Variants in ENO4 observed in about 807,000 individuals in gnomAD.
ENO4 encodes the protein enolase 4, also known as 2-phospho-D-glycerate hydro-lyase.
Under a neutral mutation model 63.2 loss-of-function variants are expected in ENO4, and 53 were observed. The ratio of observed to expected loss-of-function variants is 0.84; its 90% confidence interval spans 0.67 to 1.05. The LOEUF is 1.05. ENO4 is among the 50% of genes least tolerant of loss of function. ENO4 has a pLI of 0.00. For synonymous variants in ENO4, 266 were observed against 283.8 expected (o/e 0.94, Z 0.63); for missense variants, 719 against 772.0 (o/e 0.93, Z 0.81).
At chr10:116,907,869 A>C (rs1848035834) in intron 10 of ENO4, 1 of 517,596 alleles carries the variant, frequency 1.9e-6, no homozygotes, top group African/African-American at 1.9e-5. Flanking sequence ...GTAATGTTTG[A>C]ACTCACTAAG....
chr10:116,867,565 T>G (rs897352234), intron 7 of ENO4, among the ~76,000 whole-genome samples: 2 of 152,046 alleles, frequency 1.3e-5, no homozygotes, highest in Non-Finnish European at 2.9e-5. Flanking sequence ...CTCCGGCCTG[T>G]GTGACAGAGT....
chr10:116,890,389 A>G (rs1272831328), intron 10 of ENO4, among the ~76,000 whole-genome samples: 2 of 152,214 alleles, frequency 1.3e-5, no homozygotes, highest in African/African-American at 4.8e-5. Flanking sequence ...TTCAGTTGTC[A>G]GATGAAGTGT....
Position 116,861,102 on chromosome 10 carries a change from T to G in ENO4, c.848T>G (p.Leu283Arg). 1 of 1,549,488 alleles carries G rather than the reference T, an allele frequency of 6.5e-7. No homozygotes were observed. The highest frequency in any genetic ancestry group is 8.7e-7 in the Non-Finnish European group (1 of 1,146,380). ...TLSMPLLMVS[L>R]VSCGKSSSGK... Reference sequence around the variant, plus strand: ...TCTATGCCTTTGCTGATGGTATCGCTGGTCAGCTGTGGGAAGTCATCATCT... The same window carrying G: ...TCTATGCCTTTGCTGATGGTATCGCGGGTCAGCTGTGGGAAGTCATCATCT... The change falls in exon 6 of 14, where the codon CTG becomes CGG. Residue 283 changes from leucine to arginine, a missense_variant. Around this residue, in one of 3 missense-constraint regions of ENO4, gnomAD observed 544 missense variants for 583.6 expected, o/e 0.93. Coordinates refer to ENST00000341276, the MANE Select transcript of ENO4 (RefSeq NM_001242699.2).
chr10:116,891,479 C>T (rs199524107), intron 10 of ENO4, among the ~76,000 whole-genome samples: 1 of 152,128 alleles, frequency 6.6e-6, no homozygotes, highest in Non-Finnish European at 1.5e-5. Context: ...TGGATAAAAC[C>T]GCAACCATAT....
At chr10:116,861,486 G>T (rs775168816) in intron 6 of ENO4, among the ~76,000 whole-genome samples, 5 of 152,078 alleles carry the variant, frequency 3.3e-5, no homozygotes, top group African/African-American at 4.8e-5. Context: ...TTATTTGGGG[G>T]CATCTTATTT....
At position 116,849,741 on chromosome 10, in the gene ENO4, T is replaced by A; in HGVS notation, c.165+10T>A. ...CGTCTACGGGCACCTGGTAGGGACC[T>A]GGGACAAGCGCTCTCCTCCCGCCAA... On this transcript the variant is annotated intron_variant, in intron 1 of 13. Transcript: ENST00000341276. 1 of 1,502,972 alleles carries A rather than the reference T, an allele frequency of 6.7e-7. No homozygotes were observed. Among genetic ancestry groups the A allele is most frequent in the East Asian group, 2.5e-5 (1 of 39,878 alleles). 93.1% of individuals were successfully genotyped at this position (1,502,972 alleles called of 1,614,324 possible). A position where few individuals can be genotyped will look rare whatever the true frequency, so the allele number is the denominator to read the frequency against.
chr10:116,879,141 A>C (rs1846925164), intron 11 of ENO4, 150 bp from the exon 12 acceptor site: 6 of 578,432 alleles, frequency 1.0e-5, no homozygotes, highest in Non-Finnish European at 1.5e-5. Flanking sequence ...CAGGGCAATA[A>C]AAATGCAAAC....
intron 9 of ENO4, among the ~76,000 whole-genome samples, chr10:116,871,730 C>T (rs1846700502): frequency 6.6e-6 from 1 of 152,128 alleles, no homozygotes; most frequent in Non-Finnish European, 1.5e-5. Context: ...AAAAATTTTT[C>T]CAAGTTATTG....
At chr10:116,854,940 CAAAAAAAAA>C (rs71013620) in intron 1 of ENO4, among the ~76,000 whole-genome samples, 37 of 41,526 alleles carry the variant, frequency 8.9e-4, no homozygotes, top group Middle Eastern at 0.026. Flanking sequence ...GACCCTGTCT[CAAAAAAAAA>C]AAAAAAAAAA....
At chr10:116,904,614 A>G (rs1847887275) in intron 10 of ENO4, among the ~76,000 whole-genome samples, 1 of 152,198 alleles carries the variant, frequency 6.6e-6, no homozygotes, top group Non-Finnish European at 1.5e-5. Context: ...GCCCTAAAAT[A>G]ATACAAATAT....
intron 10 of ENO4, among the ~76,000 whole-genome samples, chr10:116,898,433 A>G (rs186449702): frequency 6.6e-4 from 101 of 152,246 alleles, no homozygotes; most frequent in African/African-American, 2.3e-3. Context: ...ACATTATCAG[A>G]TTTAATCTTA....
At chr10:116,905,644 T>C (rs1440189051) in intron 10 of ENO4, among the ~76,000 whole-genome samples, 1 of 152,188 alleles carries the variant, frequency 6.6e-6, no homozygotes, top group Non-Finnish European at 1.5e-5. Flanking sequence ...ATCTTTAATA[T>C]TCTTGCTACT....
intron 13 of ENO4, among the ~76,000 whole-genome samples, chr10:116,880,621 T>C (rs992902396): frequency 2.3e-4 from 35 of 152,312 alleles, no homozygotes; most frequent in African/African-American, 8.4e-4. Flanking sequence ...TATAAACTTG[T>C]CATGTTTAAC....
chr10:116,891,393 G>C (rs1847337668), intron 10 of ENO4, among the ~76,000 whole-genome samples: 1 of 152,186 alleles, frequency 6.6e-6, no homozygotes, highest in Non-Finnish European at 1.5e-5. Flanking sequence ...TGGGATGTCT[G>C]CATTAGTCTG....
intron 1 of ENO4, among the ~76,000 whole-genome samples, chr10:116,853,831 G>A (rs1415266894): frequency 1.3e-5 from 2 of 152,166 alleles, no homozygotes; most frequent in Non-Finnish European, 2.9e-5. Flanking sequence ...CTGGCATGTC[G>A]CTGTGGGTAT....
chr10:116,851,515 C>CAAA, intron 1 of ENO4, among the ~76,000 whole-genome samples: 1 of 152,320 alleles, frequency 6.6e-6, no homozygotes, highest in East Asian at 1.9e-4. Context: ...CAGAAAAAAG[C>CAAA]AATCTCCTTT....
At chr10:116,892,741 T>C (rs1847377534) in intron 10 of ENO4, among the ~76,000 whole-genome samples, 1 of 152,224 alleles carries the variant, frequency 6.6e-6, no homozygotes, top group Admixed American at 6.5e-5. Context: ...AATGTGTTTA[T>C]TGGGTTTCAG....
chr10:116,905,181 C>T (rs1481982863), intron 10 of ENO4, among the ~76,000 whole-genome samples: 1 of 148,042 alleles, frequency 6.8e-6, no homozygotes, highest in East Asian at 2.0e-4. Flanking sequence ...CGCAGTCCAG[C>T]CTGGGCGACA....
In ENO4 at chr10:116,874,182, T is replaced by C. The variant is rs761108379; in HGVS notation, c.1322T>C (p.Ile441Thr). The change falls in exon 10 of 14, where the codon ATT becomes ACT. Residue 441 changes from isoleucine (I) to threonine (T), a missense_variant. By Grantham distance (89) the Ile-to-Thr change is moderately conservative. Transcript: ENST00000341276. ...AAGTACCCTTCAATTATTGCCTTAA[T>C]TGATCCTTTCAGGAAGGAGGTAAGC... ...INKYPSIIAL[I>T]DPFRKEDSEQ... The C allele has an allele frequency of 4.5e-6, 7 of 1,545,332 alleles. No homozygotes were observed. The highest frequency in any genetic ancestry group is 1.2e-5 in the South Asian group (1 of 83,534).
Sources: allele counts gnomAD v4.1 joint callset (sites outside exome capture counted in the v4.1 genomes callset), GRCh38; gene constraint gnomAD v4.1.1; regional missense constraint gnomAD v4.1.1; transcripts MANE v1.5; gene names NCBI Gene and HGNC (gene_info 2026-07-23, HGNC 2026-07-21).